ADGB: variants seen among roughly 807,000 people sequenced by gnomAD.
ADGB encodes the protein calpain-7-like protein.
ADGB carries 172 observed loss-of-function variants against 210.5 expected under a neutral mutation model. That is an observed-to-expected ratio of 0.82 (90% CI 0.72 to 0.93). ADGB has a LOEUF of 0.93. Among genes scored for constraint, ADGB ranks in the 40% least tolerant of loss-of-function variants. The probability of loss-of-function intolerance (pLI) is 0.00; values close to 1 mark genes in which losing one functional copy is unlikely to be tolerated. For missense variants in ADGB, 2,025 were observed against 1,964.8 expected (o/e 1.03, Z -0.58); for synonymous variants, 658 against 662.7 (o/e 0.99, Z 0.11).
At chr6:146,767,901 A>C (rs1777600061) in intron 28 of ADGB, among the ~76,000 whole-genome samples, 1 of 146,354 alleles carries the variant, frequency 6.8e-6, no homozygotes, top group East Asian at 1.9e-4. Flanking sequence ...CTGTTCTGCT[A>C]CTACAACTTA....
At chr6:146,784,939 G>A (rs982864904) in intron 31 of ADGB, 145 bp downstream of exon 31, 5 of 812,820 alleles carry the variant, frequency 6.2e-6, no homozygotes, top group South Asian at 4.0e-5. Context: ...GAATAACTAC[G>A]TTAGGACCAC....
intron 20 of ADGB, among the ~76,000 whole-genome samples, chr6:146,730,313 C>T (rs1257538559): frequency 6.6e-6 from 1 of 152,044 alleles, no homozygotes; most frequent in Non-Finnish European, 1.5e-5. Context: ...AAGTTTAAGC[C>T]AGAAGATGGT....
rs182941191 is a variant in ADGB at position 146,803,292 on chromosome 6, T to G, written c.4818+1281T>G. On this transcript the variant is annotated intron_variant, in intron 35 of 35. Coordinates refer to ENST00000397944, the MANE Select transcript of ADGB (RefSeq NM_024694.4). Reference sequence around the variant, plus strand: ...AACCTCAGAAAAAAACCCACTATATTTTGATGATGGGCTTTCTGTCTGTGA... The same window carrying G: ...AACCTCAGAAAAAAACCCACTATATGTTGATGATGGGCTTTCTGTCTGTGA... 2.9e-3 allele frequency: 4,616 copies of G among 1,606,438 alleles called. 24 individuals are homozygous for G. Among genetic ancestry groups the G allele is most frequent in the South Asian group, 0.011 (1,008 of 90,720 alleles).
intron 33 of ADGB, among the ~76,000 whole-genome samples, chr6:146,798,431 G>A (rs565439349): frequency 3.3e-5 from 5 of 152,250 alleles, no homozygotes; most frequent in South Asian, 2.1e-4. Flanking sequence ...TCCTCAGACC[G>A]ATAAAGGCTA....
chr6:146,732,437 G>A (rs1013469546), intron 20 of ADGB, among the ~76,000 whole-genome samples: 1 of 152,124 alleles, frequency 6.6e-6, no homozygotes, highest in African/African-American at 2.4e-5. Context: ...GACTGAGCCT[G>A]GATGAAAGAG....
At chr6:146,648,154 T>A (rs149541707) in intron 3 of ADGB, among the ~76,000 whole-genome samples, 17 of 152,266 alleles carry the variant, frequency 1.1e-4, no homozygotes, top group African/African-American at 4.1e-4. Flanking sequence ...TTTTATAACC[T>A]TTTTTAACCA....
chr6:146,677,043 C>T (rs1776095371), intron 9 of ADGB, among the ~76,000 whole-genome samples: 1 of 152,156 alleles, frequency 6.6e-6, no homozygotes, highest in Non-Finnish European at 1.5e-5. Flanking sequence ...CACTTAAAAT[C>T]ACATTGGAGC....
At chr6:146,611,666 G>C (rs1476824135) in intron 1 of ADGB, among the ~76,000 whole-genome samples, 1 of 152,036 alleles carries the variant, frequency 6.6e-6, no homozygotes, top group African/African-American at 2.4e-5. Context: ...CAGAATCTGT[G>C]TCCTCCCCCC....
chr6:146,630,262 A>G (rs1781041854), intron 1 of ADGB, among the ~76,000 whole-genome samples: 1 of 152,036 alleles, frequency 6.6e-6, no homozygotes, highest in Admixed American at 6.6e-5. Context: ...AATAAAAATA[A>G]AAGAAAGAAA....
In ADGB at chr6:146,716,961, G is replaced by A; in HGVS notation, c.1820G>A (p.Ser607Asn). Residue 607 changes from serine (S) to asparagine (N), a missense_variant, in exon 15 of 36, where the codon AGC (serine) becomes AAC (asparagine). Ser to Asn is a conservative substitution (Grantham distance 46). Transcript: ENST00000397944. ...DGLNLEREIV[S>N]QTTATQEKSQ... is the part of the protein sequence containing the mutation. The stretch of plus-strand genomic sequence containing the variant: ...TTAAACTTGGAAAGAGAGATAGTCA[G>A]CCAGACCACAGCAACACAGGAAAAG... 1 of 1,551,598 alleles carries A rather than the reference G, an allele frequency of 6.4e-7. No individual in the cohort carries two copies. Among genetic ancestry groups the A allele is most frequent in the Non-Finnish European group, 8.7e-7 (1 of 1,146,960 alleles).
intron 17 of ADGB, among the ~76,000 whole-genome samples, chr6:146,721,810 C>A (rs900780795): frequency 6.6e-6 from 1 of 152,126 alleles, no homozygotes; most frequent in Non-Finnish European, 1.5e-5. Flanking sequence ...TGCACTCCAA[C>A]CTGGGCAACA....
intron 12 of ADGB, among the ~76,000 whole-genome samples, chr6:146,698,312 C>T (rs1776439446): frequency 6.6e-6 from 1 of 152,142 alleles, no homozygotes; most frequent in African/African-American, 2.4e-5. Flanking sequence ...CATATAATGG[C>T]CATTAAATAT....
chr6:146,643,092 G>A (rs796080260), intron 2 of ADGB, among the ~76,000 whole-genome samples: 6 of 151,874 alleles, frequency 4.0e-5, no homozygotes, highest in African/African-American at 1.4e-4. Flanking sequence ...AAATGATGTG[G>A]GGAAACCCCA....
At position 146,620,182 on chromosome 6, in the gene ADGB, T is replaced by C. The variant is rs534839927; in HGVS notation, c.75-15193T>C. ...TCCATTGAATGTGATATTTTTATTT[T>C]CTCTTGCTGCTTTGATGATTCTTTG... On this transcript the variant is annotated intron_variant, in intron 1 of 35. Transcript: ENST00000397944. Among the ~76,000 whole-genome samples the C allele has an allele frequency of 2.8e-4, 42 of 152,258 alleles. No individual in the cohort carries two copies. The South Asian group carries it at 4.1e-3, about 15-fold the overall frequency.
intron 16 of ADGB, among the ~76,000 whole-genome samples, chr6:146,718,060 A>AG (rs1776760274): frequency 6.6e-6 from 1 of 152,092 alleles, no homozygotes; most frequent in African/African-American, 2.4e-5. Flanking sequence ...GCTAATGCCT[A>AG]GAAATCCTTC....
At chr6:146,610,236 G>A (rs911766539) in intron 1 of ADGB, among the ~76,000 whole-genome samples, 7 of 152,132 alleles carry the variant, frequency 4.6e-5, no homozygotes, top group African/African-American at 9.6e-5. Context: ...TTCAGCTCTC[G>A]AATCATTTTA....
chr6:146,615,917 G>A (rs1249796862), intron 1 of ADGB, among the ~76,000 whole-genome samples: 1 of 151,946 alleles, frequency 6.6e-6, no homozygotes, highest in Non-Finnish European at 1.5e-5. Flanking sequence ...CATTTCCTTT[G>A]GATATATATC....
intron 35 of ADGB, among the ~76,000 whole-genome samples, chr6:146,813,753 T>C (rs1454654477): frequency 1.3e-5 from 2 of 152,232 alleles, no homozygotes; most frequent in African/African-American, 4.8e-5. Flanking sequence ...ATTTCAGGAT[T>C]GCTGTTTGTG....
chr6:146,797,524 T>TAC (rs1013799648), intron 33 of ADGB, among the ~76,000 whole-genome samples: 11 of 151,860 alleles, frequency 7.2e-5, no homozygotes, highest in Admixed American at 4.6e-4. Flanking sequence ...TATACATATA[T>TAC]ACACACACAC....
Sources: allele counts gnomAD v4.1 joint callset (sites outside exome capture counted in the v4.1 genomes callset), GRCh38; gene constraint gnomAD v4.1.1; transcripts MANE v1.5; gene names NCBI Gene and HGNC (gene_info 2026-07-23, HGNC 2026-07-21).